Variants in STK10 observed in about 807,000 individuals in gnomAD.
STK10 encodes the protein serine/threonine kinase 10, also known as serine/threonine-protein kinase 10.
A neutral mutation model predicts 113.8 loss-of-function variants in STK10; 78 were observed. That is an observed-to-expected ratio of 0.69 (90% confidence interval 0.57 to 0.83). The LOEUF (loss-of-function observed/expected upper bound fraction) is 0.83. Ranked by LOEUF, STK10 falls within the 40% of genes least tolerant of loss-of-function variation. The pLI is 0.00. For synonymous variants in STK10, 465 were observed against 494.7 expected, an observed-to-expected ratio of 0.94 and a Z score of 0.80; for missense variants, 1,109 against 1,280.1, an observed-to-expected ratio of 0.87 and a Z score of 2.04.
chr5:172,184,782 G>T (rs981253466), intron 1 of STK10, among the ~76,000 whole-genome samples: 3 of 152,110 alleles, frequency 2.0e-5, no homozygotes, highest in Non-Finnish European at 4.4e-5. Flanking sequence ...CTCCCGAGTA[G>T]CTGGGATTAT....
intron 1 of STK10, among the ~76,000 whole-genome samples, chr5:172,167,307 A>G (rs1770590842): frequency 6.6e-6 from 1 of 152,238 alleles, no homozygotes; most frequent in African/African-American, 2.4e-5. Flanking sequence ...TAACCCTTAA[A>G]TGATAAACAA....
At chr5:172,175,561 C>T in intron 1 of STK10, among the ~76,000 whole-genome samples, 1 of 148,056 alleles carries the variant, frequency 6.8e-6, no homozygotes, top group East Asian at 2.2e-4. Flanking sequence ...CCGCCCTTTT[C>T]CCCTGCCACT....
In STK10 at chr5:172,044,872, C is replaced by CG. The variant is rs1561784501; in HGVS notation, c.*9dup. On this transcript the variant is annotated 3_prime_UTR_variant, in exon 19 of 19. Transcript: ENST00000176763. The surrounding 1 kb of genome is among the most constrained non-coding windows in gnomAD (Gnocchi z 4.5). ...CCCACCAAGCTGCCAGCCACAGCCC[C>CG]GGGCGGTTGTTAAGAAGCATCCGCA... 1.9e-6 allele frequency: 3 copies of CG among 1,614,114 alleles called. No homozygotes were observed. The highest frequency in any genetic ancestry group is 2.5e-6 in the Non-Finnish European group (3 of 1,180,044).
chr5:172,087,239 CT>C (rs1300225104), intron 10 of STK10, among the ~76,000 whole-genome samples: 2 of 145,640 alleles, frequency 1.4e-5, no homozygotes, highest in Non-Finnish European at 3.0e-5. Context: ...TCTAAAACTA[CT>C]TTTATTTGGT....
At chr5:172,163,353 C>T (rs1770505068) in intron 1 of STK10, among the ~76,000 whole-genome samples, 1 of 152,176 alleles carries the variant, frequency 6.6e-6, no homozygotes, top group Non-Finnish European at 1.5e-5. Flanking sequence ...ACCTCCAAAA[C>T]ATTTCCCCCA....
At chr5:172,171,767 G>A (rs1009882595) in intron 1 of STK10, among the ~76,000 whole-genome samples, 1 of 90,734 alleles carries the variant, frequency 1.1e-5, no homozygotes, top group Admixed American at 1.0e-4. Flanking sequence ...AATAGGCTGG[G>A]TCCAGAGTGA....
chr5:172,130,391 T>C (rs3776758), intron 2 of STK10, among the ~76,000 whole-genome samples: 47,033 of 151,758 alleles, frequency 0.31, 8,527 homozygotes, highest in African/African-American at 0.51. Context: ...AGTAGCCAGG[T>C]GTGGTGGCGG....
intron 6 of STK10, 67 bp downstream of exon 6, chr5:172,106,553 C>T (rs1581159213): frequency 4.0e-6 from 6 of 1,496,978 alleles, no homozygotes; most frequent in Middle Eastern, 2.4e-4. Flanking sequence ...CAGCCCCGTC[C>T]ACCACATATT....
intron 18 of STK10, among the ~76,000 whole-genome samples, chr5:172,049,959 T>C (rs962621650): frequency 1.3e-5 from 2 of 152,126 alleles, no homozygotes; most frequent in Non-Finnish European, 2.9e-5. Flanking sequence ...TGCACCACCA[T>C]GTCTGGCTAA....
In STK10 at chr5:172,093,964, G is replaced by A. The variant is rs1488147903; in HGVS notation, c.1006-4C>T. 6 of 1,465,588 alleles carry A rather than the reference G, an allele frequency of 4.1e-6. No individual in the cohort carries two copies. The highest frequency in any genetic ancestry group is 5.4e-6 in the Non-Finnish European group (6 of 1,105,482). The allele number at this position is 1,465,588 out of a possible 1,614,324, so 90.8% of individuals were successfully genotyped here. A position where few individuals can be genotyped will look rare whatever the true frequency, so the allele number is the denominator to read the frequency against. ...TCTGAGTATGGTTCTCCAGGGTCTAGAAAAATATATATATATATATTAAAG... is the reference window on the plus strand; with the variant it reads ...TCTGAGTATGGTTCTCCAGGGTCTAAAAAAATATATATATATATATTAAAG... On this transcript the variant is annotated splice_polypyrimidine_tract_variant and splice_region_variant and intron_variant, in intron 8 of 18. Transcript: ENST00000176763. The surrounding 1 kb of genome is among the most constrained non-coding windows in gnomAD (Gnocchi z 4.1).
chr5:172,094,525 G>A (rs1768803373), intron 8 of STK10, among the ~76,000 whole-genome samples: 2 of 151,852 alleles, frequency 1.3e-5, no homozygotes, highest in Admixed American at 6.6e-5. Flanking sequence ...TGGGACTACA[G>A]GTGCATGCCA....
intron 2 of STK10, among the ~76,000 whole-genome samples, chr5:172,154,563 A>C (rs1428379254): frequency 6.6e-6 from 1 of 152,194 alleles, no homozygotes; most frequent in Admixed American, 6.5e-5. Flanking sequence ...GGCCTTCTAC[A>C]AAGTAACAAA....
chr5:172,094,012 G>C, intron 8 of STK10, 52 bp from the exon 9 acceptor site: 1 of 1,272,236 alleles, frequency 7.9e-7, no homozygotes, highest in Non-Finnish European at 1.0e-6. Flanking sequence ...TATGTTCAAG[G>C]CAAGAGTCAG....
intron 18 of STK10, among the ~76,000 whole-genome samples, chr5:172,051,916 A>G (rs1033361130): frequency 2.1e-4 from 32 of 152,176 alleles, no homozygotes; most frequent in African/African-American, 7.5e-4. Context: ...TTCGCAGAGA[A>G]AGAGAGAGAC....
Position 172,137,606 on chromosome 5 carries a change from C to T in STK10, c.322-10185G>A, listed in dbSNP as rs576198987. On this transcript the variant is annotated intron_variant, in intron 2 of 18. Transcript: ENST00000176763. ...TTAAAATGCCATATATTGGGCCAGG[C>T]GCAGTGGCTCACGCCTGTAATCTCA... is the stretch of plus-strand genomic sequence containing the variant. Among the ~76,000 whole-genome samples, 100 of 151,724 alleles carry T rather than the reference C, an allele frequency of 6.6e-4. 1 individual carries two copies. The highest frequency in any genetic ancestry group is 1.9e-3 in the African/African-American group (78 of 41,342).
At chr5:172,175,539 C>G (rs1480211720) in intron 1 of STK10, among the ~76,000 whole-genome samples, 1 of 152,130 alleles carries the variant, frequency 6.6e-6, no homozygotes, top group Non-Finnish European at 1.5e-5. Flanking sequence ...CTCAGCTTCC[C>G]CGCCCTGACA....
intron 10 of STK10, among the ~76,000 whole-genome samples, chr5:172,085,760 T>C (rs1768543029): frequency 6.6e-6 from 1 of 151,686 alleles, no homozygotes; most frequent in African/African-American, 2.4e-5. Flanking sequence ...AAAACCAAAC[T>C]ACTACAGAAA....
At chr5:172,163,212 GC>G (rs1367261783) in intron 1 of STK10, among the ~76,000 whole-genome samples, 1 of 152,146 alleles carries the variant, frequency 6.6e-6, no homozygotes, top group East Asian at 1.9e-4. Context: ...CCTCCATCCA[GC>G]CCTTAAAGAC....
intron 1 of STK10, among the ~76,000 whole-genome samples, chr5:172,157,630 G>A (rs554980514): frequency 9.2e-5 from 14 of 151,774 alleles, no homozygotes; most frequent in Admixed American, 2.0e-4. Flanking sequence ...TCACTCTGTC[G>A]CCCAGGCTGA....
Sources: allele counts gnomAD v4.1 joint callset (sites outside exome capture counted in the v4.1 genomes callset), GRCh38; gene constraint gnomAD v4.1.1; non-coding constraint Gnocchi (gnomAD v3.1); transcripts MANE v1.5; gene names NCBI Gene and HGNC (gene_info 2026-07-23, HGNC 2026-07-21).